The following TMEM131 variants were observed in gnomAD, a reference collection of about 807,000 sequenced individuals.
TMEM131 encodes the protein 2610524E03Rik.
In TMEM131, 66 loss-of-function variants were observed where a neutral mutation model predicts 211.6. The ratio of observed to expected loss-of-function variants is 0.31; its 90% CI spans 0.26 to 0.38. The LOEUF (loss-of-function observed/expected upper bound fraction) is 0.38. Among genes scored for constraint, TMEM131 ranks in the 10% least tolerant of loss-of-function variants. The pLI is 1.00. For synonymous variants in TMEM131, 844 were observed against 841.3 expected, an observed-to-expected ratio of 1.00 and a Z score of -0.06; for missense variants, 2,036 against 2,299.3, an observed-to-expected ratio of 0.89 and a Z score of 2.34.
At chr2:97,905,141 A>G (rs1676014909) in intron 3 of TMEM131, among the ~76,000 whole-genome samples, 1 of 152,164 alleles carries the variant, frequency 6.6e-6, no homozygotes, top group Non-Finnish European at 1.5e-5. Context: ...ACATTTCTTA[A>G]AAGTGCCAGT....
At chr2:97,826,829 T>C (rs888898785) in intron 11 of TMEM131, among the ~76,000 whole-genome samples, 1 of 152,180 alleles carries the variant, frequency 6.6e-6, no homozygotes, top group Non-Finnish European at 1.5e-5. Context: ...CAATACCACC[T>C]TGCTGTCAGA....
intron 4 of TMEM131, among the ~76,000 whole-genome samples, chr2:97,873,694 G>A (rs543114194): frequency 6.6e-5 from 10 of 152,106 alleles, no homozygotes; most frequent in African/African-American, 2.4e-4. Context: ...GGAATAGCAC[G>A]TCCACTCAAA....
At chr2:97,776,098 G>C in intron 31 of TMEM131, 80 bp from the exon 32 acceptor site, 4 of 1,439,482 alleles carry the variant, frequency 2.8e-6, no homozygotes, top group Non-Finnish European at 2.8e-6. Flanking sequence ...CTGTCACCCA[G>C]GCTGGAGTGC....
chr2:97,905,957 G>A (rs757426307), intron 3 of TMEM131, among the ~76,000 whole-genome samples: 1 of 152,178 alleles, frequency 6.6e-6, no homozygotes, highest in Non-Finnish European at 1.5e-5. Context: ...CACTTCTGAT[G>A]AGGTTATAAA....
rs1474184077 is a variant in TMEM131, at chr2:97,772,494, TAC to T, written c.4321-72_4321-71del. The T allele has an allele frequency of 8.7e-6, 13 of 1,497,522 alleles. No individual in the cohort carries two copies. In the Admixed American group the frequency reaches 2.2e-4, roughly 26 times the overall value. The allele number at this position is 1,497,522 out of a possible 1,614,324, so 92.8% of individuals were successfully genotyped here. A position where few individuals can be genotyped will look rare whatever the true frequency, so the allele number is the denominator to read the frequency against. ...GACTGAAATTAGTTCCATTTTAAGA[TAC>T]AGACACAAAATCAAAGATGTAAAAA... On this transcript the variant is annotated intron_variant, in intron 32 of 40. Coordinates refer to ENST00000186436, the MANE Select transcript of TMEM131 (RefSeq NM_015348.2).
intron 1 of TMEM131, among the ~76,000 whole-genome samples, chr2:97,972,731 G>C (rs1679363036): frequency 6.6e-6 from 1 of 152,150 alleles, no homozygotes; most frequent in Admixed American, 6.5e-5. Flanking sequence ...GGTTACCTAG[G>C]TGGGCCCAAT....
At chr2:97,905,709 T>G (rs1017615433) in intron 3 of TMEM131, among the ~76,000 whole-genome samples, 1 of 152,220 alleles carries the variant, frequency 6.6e-6, no homozygotes, top group Non-Finnish European at 1.5e-5. Context: ...TCTAGAGGCT[T>G]CATTTGTTTC....
At chr2:97,976,582 C>T (rs999419318) in intron 1 of TMEM131, among the ~76,000 whole-genome samples, 9 of 152,128 alleles carry the variant, frequency 5.9e-5, no homozygotes, top group Non-Finnish European at 1.2e-4. Flanking sequence ...CAGTTCCCCC[C>T]ACAAATTCAT....
intron 4 of TMEM131, among the ~76,000 whole-genome samples, chr2:97,879,606 T>G (rs1487701570): frequency 1.3e-5 from 2 of 152,254 alleles, no homozygotes; most frequent in African/African-American, 2.4e-5. Context: ...ACGGATTTTC[T>G]TCCGCCTCTG....
chr2:97,976,076 G>A (rs567465777), intron 1 of TMEM131, among the ~76,000 whole-genome samples: 1 of 152,214 alleles, frequency 6.6e-6, no homozygotes, highest in East Asian at 1.9e-4. Flanking sequence ...GGGCATCTAT[G>A]AAAAACCTAT....
intron 4 of TMEM131, among the ~76,000 whole-genome samples, chr2:97,862,695 AAAC>A (rs1269322275): frequency 6.6e-6 from 1 of 152,100 alleles, no homozygotes; most frequent in Non-Finnish European, 1.5e-5. Context: ...AGAGGAGAGA[AAAC>A]AAAAAAGAAT....
rs372115270 is a variant in TMEM131, at chr2:97,916,194, G to C, written c.250-7496C>G. ...GCCTCCCAAAGTACTGGGATTATAGGCGTGGGCCACGGCACCCAGCCTTAA... is the reference window on the plus strand; with the variant it reads ...GCCTCCCAAAGTACTGGGATTATAGCCGTGGGCCACGGCACCCAGCCTTAA... On this transcript the variant is annotated intron_variant, in intron 2 of 40. Coordinates refer to ENST00000186436, the MANE Select transcript of TMEM131 (RefSeq NM_015348.2). Among the ~76,000 whole-genome samples the C allele has an allele frequency of 6.6e-4, 100 of 152,310 alleles. 3 individuals are homozygous for C. In the East Asian group the frequency reaches 0.017, roughly 26 times the overall value.
chr2:97,857,543 G>A (rs1559405271), intron 5 of TMEM131, among the ~76,000 whole-genome samples: 1 of 152,206 alleles, frequency 6.6e-6, no homozygotes, highest in Non-Finnish European at 1.5e-5. Context: ...AAAATGTATA[G>A]TGCAATTGTG....
intron 5 of TMEM131, among the ~76,000 whole-genome samples, chr2:97,852,935 T>G (rs1019379646): frequency 6.6e-6 from 1 of 152,246 alleles, no homozygotes; most frequent in Non-Finnish European, 1.5e-5. Context: ...GCTCTATAAA[T>G]GGACAAGGCC....
At chr2:97,947,247 GA>G (rs201292260) in intron 1 of TMEM131, among the ~76,000 whole-genome samples, 79 of 149,860 alleles carry the variant, frequency 5.3e-4, no homozygotes, top group African/African-American at 1.6e-3. Flanking sequence ...AAAACGCAAA[GA>G]AAAAAAAAGT....
chr2:97,773,561 C>G (rs1281780343), intron 32 of TMEM131, among the ~76,000 whole-genome samples: 3 of 152,204 alleles, frequency 2.0e-5, no homozygotes, highest in Non-Finnish European at 4.4e-5. Context: ...CCACGGATTT[C>G]TGTGGCAATC....
chr2:97,866,658 T>C (rs1674283498), intron 4 of TMEM131, among the ~76,000 whole-genome samples: 2 of 152,338 alleles, frequency 1.3e-5, no homozygotes, highest in South Asian at 4.1e-4. Context: ...AGCAATGTTT[T>C]TGCTGCATCC....
At chr2:97,908,758 T>C (rs1219618038) in intron 2 of TMEM131, 60 bp from the exon 3 acceptor site, 1 of 1,382,826 alleles carries the variant, frequency 7.2e-7, no homozygotes, top group Non-Finnish European at 1.0e-6. Context: ...ATTACAGACA[T>C]ATGGAATATC....
intron 36 of TMEM131, 65 bp downstream of exon 36, chr2:97,761,970 A>T: frequency 6.8e-7 from 1 of 1,465,426 alleles, no homozygotes. Flanking sequence ...TTCCATTTAA[A>T]GGGTGTGACA....
Sources: gnomAD v4.1 joint callset for allele counts (sites outside exome capture counted in the v4.1 genomes callset) on GRCh38, gnomAD v4.1.1 for gene constraint, MANE v1.5 for transcripts, NCBI Gene and HGNC (gene_info 2026-07-23, HGNC 2026-07-21) for gene names.